Variants in MSRA observed in about 807,000 individuals in gnomAD.
The protein encoded by MSRA is methionine sulfoxide reductase A, also known as mitochondrial peptide methionine sulfoxide reductase.
A neutral mutation model predicts 31.3 loss-of-function variants in MSRA; 54 were observed. The observed-to-expected ratio is 1.73, with a 90% CI of 1.39 to 2.17. The LOEUF is 2.17. Among genes scored for constraint, MSRA ranks in the 30% most tolerant of loss-of-function variants. MSRA has a pLI of 0.00. For synonymous variants in MSRA, 169 were observed against 116.5 expected (o/e 1.45, Z -2.90); for missense variants, 507 against 300.9 (o/e 1.69, Z -5.07).
chr8:10,419,895 G>T (rs1808708306), intron 5 of MSRA, among the ~76,000 whole-genome samples: 1 of 152,132 alleles, frequency 6.6e-6, no homozygotes, highest in Non-Finnish European at 1.5e-5. Flanking sequence ...ATATGCTTGG[G>T]GCAAGTCCTT....
At chr8:10,271,660 T>C (rs1457799487) in intron 3 of MSRA, among the ~76,000 whole-genome samples, 1 of 152,190 alleles carries the variant, frequency 6.6e-6, no homozygotes, top group Non-Finnish European at 1.5e-5. Context: ...CTGTTTCTTT[T>C]ATAAAATAGT....
chr8:10,286,765 T>A (rs1338504547), intron 3 of MSRA, among the ~76,000 whole-genome samples: 2 of 152,264 alleles, frequency 1.3e-5, no homozygotes, highest in East Asian at 3.8e-4. Flanking sequence ...AAGCCAAGAT[T>A]GAAGGCTCAC....
At chr8:10,352,761 T>A (rs1279981107) in intron 5 of MSRA, among the ~76,000 whole-genome samples, 8 of 152,276 alleles carry the variant, frequency 5.3e-5, no homozygotes, top group South Asian at 4.2e-4. Context: ...CGCTGCCGTC[T>A]GTGAATCAAA....
chr8:10,159,044 C>T (rs868456155), intron 1 of MSRA, among the ~76,000 whole-genome samples: 1 of 152,146 alleles, frequency 6.6e-6, no homozygotes, highest in South Asian at 2.1e-4. Context: ...GTCACCGTAT[C>T]AAAGAGGATG....
At chr8:10,060,061 C>G (rs758340360) in intron 1 of MSRA, among the ~76,000 whole-genome samples, 1 of 150,308 alleles carries the variant, frequency 6.7e-6, no homozygotes, top group Non-Finnish European at 1.5e-5. Context: ...TTGTATCTAT[C>G]AAAAATTCAA....
At chr8:10,143,347 C>G (rs1452557188) in intron 1 of MSRA, among the ~76,000 whole-genome samples, 1 of 152,082 alleles carries the variant, frequency 6.6e-6, no homozygotes, top group Admixed American at 6.6e-5. Flanking sequence ...CACAGAAAGC[C>G]AAATGCTTTC....
chr8:10,087,582 G>T (rs893372262), intron 1 of MSRA, among the ~76,000 whole-genome samples: 1 of 152,204 alleles, frequency 6.6e-6, no homozygotes, highest in Non-Finnish European at 1.5e-5. Context: ...TAGGGAAATG[G>T]TCCATAACTC....
At chr8:10,088,908 C>G (rs1211947149) in intron 1 of MSRA, among the ~76,000 whole-genome samples, 2 of 152,106 alleles carry the variant, frequency 1.3e-5, no homozygotes, top group African/African-American at 4.8e-5. Flanking sequence ...CATAATCTCA[C>G]TTATATGAAA....
intron 1 of MSRA, among the ~76,000 whole-genome samples, chr8:10,197,179 C>CTT (rs765693454): frequency 2.0e-5 from 3 of 152,034 alleles, no homozygotes; most frequent in Non-Finnish European, 2.9e-5. Flanking sequence ...TTAGGAATTA[C>CTT]TTGTGTTAAT....
intron 5 of MSRA, among the ~76,000 whole-genome samples, chr8:10,334,051 C>T (rs572165526): frequency 2.6e-4 from 39 of 152,236 alleles, no homozygotes; most frequent in African/African-American, 9.2e-4. Context: ...ACAGCAGCAG[C>T]ATTAAGTTCC....
At chr8:10,140,257 A>G (rs1204809314) in intron 1 of MSRA, among the ~76,000 whole-genome samples, 1 of 152,182 alleles carries the variant, frequency 6.6e-6, no homozygotes, top group African/African-American at 2.4e-5. Flanking sequence ...CTCCAGTTAC[A>G]GGGAGGGCAC....
chr8:10,197,594 C>T (rs1207115783), intron 1 of MSRA, among the ~76,000 whole-genome samples: 1 of 152,132 alleles, frequency 6.6e-6, no homozygotes, highest in East Asian at 1.9e-4. Flanking sequence ...TCAGGAGCCA[C>T]ATTCTAACTG....
rs74540836 is a variant in MSRA at position 10,254,797 on chromosome 8, T to C, written c.331+9574T>C. Among the ~76,000 whole-genome samples, 151 of 152,350 alleles carry C rather than the reference T, an allele frequency of 9.9e-4. 1 individual carries two copies. In the East Asian group the frequency reaches 0.026, roughly 26 times the overall value. Reference sequence around the variant, plus strand: ...TTTCACATGTCTTTCGTGAGCATTTTAGGATAATTTAAAAATATTAAGCTA... The same window carrying C: ...TTTCACATGTCTTTCGTGAGCATTTCAGGATAATTTAAAAATATTAAGCTA... On this transcript the variant is annotated intron_variant, in intron 3 of 5. Coordinates refer to ENST00000317173, the MANE Select transcript of MSRA (RefSeq NM_012331.5).
chr8:10,324,377 G>T (rs1357174966), intron 5 of MSRA, among the ~76,000 whole-genome samples: 5 of 152,214 alleles, frequency 3.3e-5, no homozygotes, highest in Non-Finnish European at 5.9e-5. Context: ...TGTCAGTCTG[G>T]ATCCCTGGCC....
At chr8:10,060,874 C>A (rs1001059227) in intron 1 of MSRA, among the ~76,000 whole-genome samples, 2 of 152,128 alleles carry the variant, frequency 1.3e-5, no homozygotes, top group South Asian at 2.1e-4. Context: ...ATTCCTTCCA[C>A]TATTATGTAG....
At chr8:10,066,132 C>G (rs774583129) in intron 1 of MSRA, among the ~76,000 whole-genome samples, 1 of 152,054 alleles carries the variant, frequency 6.6e-6, no homozygotes, top group African/African-American at 2.4e-5. Flanking sequence ...AAGCGATTCT[C>G]CATACCTCAG....
At chr8:10,398,376 C>T (rs957432910) in intron 5 of MSRA, among the ~76,000 whole-genome samples, 2 of 152,230 alleles carry the variant, frequency 1.3e-5, no homozygotes, top group African/African-American at 2.4e-5. Flanking sequence ...AGGGTGGCTC[C>T]TCTGGTCCCT....
chr8:10,260,690 A>G (rs115975696), intron 3 of MSRA, among the ~76,000 whole-genome samples: 2,093 of 152,250 alleles, frequency 0.014, 38 homozygotes, highest in African/African-American at 0.048. Context: ...AGCAGTTTGC[A>G]TTGGTGGGGG....
intron 5 of MSRA, among the ~76,000 whole-genome samples, chr8:10,358,293 T>C (rs1417501686): frequency 6.6e-6 from 1 of 152,218 alleles, no homozygotes; most frequent in Non-Finnish European, 1.5e-5. Context: ...ATCCCGTAAT[T>C]ATTACAATAG....
Sources: allele counts gnomAD v4.1 joint callset (sites outside exome capture counted in the v4.1 genomes callset), GRCh38; gene constraint gnomAD v4.1.1; transcripts MANE v1.5; gene names NCBI Gene and HGNC (gene_info 2026-07-23, HGNC 2026-07-21).